Variants in TTC5 observed in about 807,000 individuals in gnomAD.
TTC5 encodes tetratricopeptide repeat domain 5.
Under a neutral mutation model 57.4 loss-of-function variants are expected in TTC5, and 46 were observed. The observed-to-expected ratio is 0.80, with a 90% CI of 0.63 to 1.03. The LOEUF is 1.03. Among genes scored for constraint, TTC5 ranks in the 50% least tolerant of loss-of-function variants. The pLI, the probability that TTC5 is intolerant of heterozygous loss-of-function variation, is 0.00. For synonymous variants in TTC5, 190 were observed against 203.5 expected (o/e 0.93, Z 0.57); for missense variants, 504 against 528.1 (o/e 0.95, Z 0.45).
rs1874763951 is a variant in TTC5, at chr14:20,288,995, G to A, written c.*632C>T. On this transcript the variant is annotated 3_prime_UTR_variant, in exon 10 of 10. Coordinates refer to ENST00000258821, the MANE Select transcript of TTC5 (RefSeq NM_138376.3). ...TCCTGCCTGGGGCTGTCTATTGTCG[G>A]AATTCTTTTAACTGGGAGAGAAATA... 1 of 151,998 alleles carries A rather than the reference G, an allele frequency of 6.6e-6. No homozygotes were observed. Among genetic ancestry groups the A allele is most frequent in the Admixed American group, 6.6e-5 (1 of 15,258 alleles). The allele number at this position is 151,998 out of a possible 1,614,324, so 9.4% of individuals were successfully genotyped here. A position where few individuals can be genotyped will look rare whatever the true frequency, so the allele number is the denominator to read the frequency against.
intron 3 of TTC5, among the ~76,000 whole-genome samples, chr14:20,300,155 A>ATATATATATATATATAT (rs1229722471): frequency 1.3e-4 from 12 of 89,340 alleles, no homozygotes; most frequent in East Asian, 6.2e-4. Flanking sequence ...ATATATATAT[A>ATATATATATATATATAT]TTTTTTTTTT....
chr14:20,300,143 G>GTATGTGTGTGTATATATATATATATATA lies in TTC5; in HGVS notation c.396+463_396+464insTATATATATATATATATACACACACATA, dbSNP rs56828704. ...GCATGAGTCACCACGTCTGGTCCAT[G>GTATGTGTGTGTATATATATATATATATA]TATATATATATATTTTTTTTTTTTT... On this transcript the variant is annotated intron_variant, in intron 3 of 9. Coordinates refer to ENST00000258821, the MANE Select transcript of TTC5 (RefSeq NM_138376.3). Among the ~76,000 whole-genome samples, 42 of 27,154 alleles carry GTATGTGTGTGTATATATATATATATATA rather than the reference G, an allele frequency of 1.5e-3. 1 individual carries two copies. Among genetic ancestry groups the GTATGTGTGTGTATATATATATATATATA allele is most frequent in the South Asian group, 4.7e-3 (4 of 852 alleles). The allele number at this position is 27,154 out of a possible 152,430, so 17.8% of individuals were successfully genotyped here.
chr14:20,301,774 GC>G (rs1254199989), intron 2 of TTC5, 58 bp downstream of exon 2: 1 of 1,604,264 alleles, frequency 6.2e-7, no homozygotes, highest in African/African-American at 1.3e-5. Flanking sequence ...TGAGGAGGGA[GC>G]AAAGGTCAAT....
intron 9 of TTC5, among the ~76,000 whole-genome samples, chr14:20,290,775 G>C (rs1881937302): frequency 6.6e-6 from 1 of 152,054 alleles, no homozygotes; most frequent in Non-Finnish European, 1.5e-5. Flanking sequence ...TATTATAAAA[G>C]TACTAATTTA....
chr14:20,289,386 T>G lies in TTC5; in HGVS notation c.*241A>C, dbSNP rs1410593361. On this transcript the variant is annotated 3_prime_UTR_variant, in exon 10 of 10. Transcript: ENST00000258821. Reference sequence around the variant, plus strand: ...AATTCCATGCTCTTTGCTTAAAACATAGAGAGCAGTGGAAGAGACAGGAGA... The same window carrying G: ...AATTCCATGCTCTTTGCTTAAAACAGAGAGAGCAGTGGAAGAGACAGGAGA... 8.8e-6 allele frequency: 3 copies of G among 342,634 alleles called. No individual in the cohort carries two copies. The highest frequency in any genetic ancestry group is 4.6e-5 in the East Asian group (1 of 21,772). The allele number at this position is 342,634 out of a possible 1,614,324, so 21.2% of individuals were successfully genotyped here.
chr14:20,299,971 T>C (rs895124851), intron 3 of TTC5, among the ~76,000 whole-genome samples: 6 of 151,086 alleles, frequency 4.0e-5, no homozygotes, highest in Non-Finnish European at 5.9e-5. Context: ...CCTGAGTAAC[T>C]GGGATTACAG....
At position 20,300,601 on chromosome 14, in the gene TTC5, G is replaced by T; in HGVS notation, c.396+6C>A. 6.2e-7 allele frequency: 1 copy of T among 1,607,720 alleles called. No individual in the cohort carries two copies. On this transcript the variant is annotated splice_donor_region_variant and intron_variant, in intron 3 of 9. Coordinates refer to ENST00000258821, the MANE Select transcript of TTC5 (RefSeq NM_138376.3). ...CTGCTTTCCAAAGGGATAGGGGGCA[G>T]CTCACATGGGTGAGGGCTCCTGAGA... is the stretch of plus-strand genomic sequence containing the variant.
At chr14:20,292,263 T>C (rs539258150) in intron 8 of TTC5, 136 bp from the exon 9 acceptor site, 1 of 454,720 alleles carries the variant, frequency 2.2e-6, no homozygotes, top group Non-Finnish European at 3.4e-6. Flanking sequence ...AAATAAAATA[T>C]AAAATTTAAC....
At chr14:20,304,595 A>G (rs1364321293) in intron 1 of TTC5, among the ~76,000 whole-genome samples, 1 of 152,188 alleles carries the variant, frequency 6.6e-6, no homozygotes, top group East Asian at 1.9e-4. Context: ...CCATTCCTGC[A>G]CCGACCCCAC....
intron 8 of TTC5, chr14:20,293,326 T>C (rs1566389214): frequency 1.3e-5 from 2 of 152,220 alleles, no homozygotes; most frequent in African/African-American, 2.4e-5. Context: ...ATGTTAGCTA[T>C]GTCAAGAAGA....
chr14:20,290,878 C>A (rs1323378594), intron 9 of TTC5, among the ~76,000 whole-genome samples: 1 of 152,158 alleles, frequency 6.6e-6, no homozygotes, highest in Non-Finnish European at 1.5e-5. Context: ...GAACAAGTCA[C>A]CTCTGACACT....
chr14:20,299,619 T>C (rs1399009486), intron 3 of TTC5, among the ~76,000 whole-genome samples, 171 bp from the exon 4 acceptor site: 2 of 152,224 alleles, frequency 1.3e-5, no homozygotes, highest in Admixed American at 1.3e-4. Flanking sequence ...AATGGCGTGA[T>C]CTCGGCTCAC....
At chr14:20,301,377 T>C (rs1412276262) in intron 2 of TTC5, among the ~76,000 whole-genome samples, 2 of 152,178 alleles carry the variant, frequency 1.3e-5, no homozygotes, top group African/African-American at 2.4e-5. Context: ...TAGTCAGAGA[T>C]AAGGTTAGAA....
chr14:20,294,017 A>C (rs1052344887), intron 8 of TTC5: 3 of 152,230 alleles, frequency 2.0e-5, no homozygotes, highest in Non-Finnish European at 4.4e-5. Context: ...ATCACAGGGC[A>C]AGATGATCTA....
Position 20,293,678 on chromosome 14 carries a change from AG to A in TTC5, c.1059-1552del, listed in dbSNP as rs1389648901. On this transcript the variant is annotated intron_variant, in intron 8 of 9. Transcript: ENST00000258821. ...GGGAGACCTATCTGGAGAAGTGATA[AG>A]GGGGTGAATTAAGGTGGTAAACACA... 2.6e-5 allele frequency: 4 copies of A among 152,318 alleles called. No homozygotes were observed. In the East Asian group the frequency reaches 7.7e-4, roughly 29 times the overall value. 9.4% of individuals were successfully genotyped at this position (152,318 alleles called of 1,614,324 possible).
In TTC5 at chr14:20,301,970, A is replaced by G; in HGVS notation, c.52-5T>C. 1.2e-6 allele frequency: 2 copies of G among 1,613,866 alleles called. No individual in the cohort carries two copies. The highest frequency in any genetic ancestry group is 8.5e-7 in the Non-Finnish European group (1 of 1,179,868). On this transcript the variant is annotated splice_polypyrimidine_tract_variant and splice_region_variant and intron_variant, in intron 1 of 9. Transcript: ENST00000258821. ...GTAGAGCTGATCCACGAGTTCCTAA[A>G]AAGTATGACAATGGAACCATTAAGT...
At chr14:20,301,321 T>G (rs975643605) in intron 2 of TTC5, among the ~76,000 whole-genome samples, 1 of 152,114 alleles carries the variant, frequency 6.6e-6, no homozygotes, top group Non-Finnish European at 1.5e-5. Context: ...CATGGGAGAA[T>G]AGACAGTTCA....
rs1358786380 is a variant in TTC5 at position 20,300,644 on chromosome 14, G to A, written c.359C>T (p.Ala120Val). Residue 120 changes from alanine to valine, a missense_variant, in exon 3 of 10, where the codon GCA becomes GTA. Physicochemically the swap from Ala to Val is moderately conservative, Grantham distance 64. Transcript: ENST00000258821. ...TCCTGAGAAGCAGGTGTGGGCAGCT[G>A]CAACATCCCCTTTTTTCCAGTACAC... Reference protein sequence around the residue: ...GEVYWKKGDVAAAHTCFSGAL... With the variant: ...GEVYWKKGDVVAAHTCFSGAL... 6.2e-7 allele frequency: 1 copy of A among 1,613,622 alleles called. No homozygotes were observed. Among genetic ancestry groups the A allele is most frequent in the Non-Finnish European group, 8.5e-7 (1 of 1,179,968 alleles).
intron 8 of TTC5, chr14:20,293,981 C>G (rs558654050): frequency 3.0e-4 from 46 of 152,288 alleles, no homozygotes; most frequent in African/African-American, 1.0e-3. Flanking sequence ...ATATAGGAGG[C>G]TGCCAAAGCC....
Sources: gnomAD v4.1 joint callset for allele counts (sites outside exome capture counted in the v4.1 genomes callset) on GRCh38, gnomAD v4.1.1 for gene constraint, MANE v1.5 for transcripts, NCBI Gene and HGNC (gene_info 2026-07-23, HGNC 2026-07-21) for gene names.